Variants in RALYL observed in about 807,000 individuals in gnomAD.
RALYL encodes the protein RALY RNA binding protein like, also known as RNA-binding Raly-like protein.
Under a neutral mutation model 35.1 loss-of-function variants are expected in RALYL, and 29 were observed. The ratio of observed to expected loss-of-function variants is 0.83; its 90% CI spans 0.61 to 1.13. The LOEUF is 1.13. Among genes scored for constraint, RALYL ranks in the 50% most tolerant of loss-of-function variants. The pLI is 0.00. For synonymous variants in RALYL, 120 were observed against 127.6 expected (o/e 0.94, Z 0.40); for missense variants, 359 against 360.4 (o/e 1.00, Z 0.03).
At chr8:84,810,284 T>G (rs1825624890) in intron 4 of RALYL, among the ~76,000 whole-genome samples, 1 of 152,164 alleles carries the variant, frequency 6.6e-6, no homozygotes, top group Admixed American at 6.5e-5. Context: ...TCAATGTATT[T>G]GCAAGGTTTT....
At chr8:84,341,962 A>T (rs1848867361) in intron 1 of RALYL, among the ~76,000 whole-genome samples, 1 of 151,892 alleles carries the variant, frequency 6.6e-6, no homozygotes, top group Non-Finnish European at 1.5e-5. Flanking sequence ...TGCACATGAT[A>T]ACCTAGTGTA....
In RALYL at chr8:84,713,696, A is replaced by G. The variant is rs527465710; in HGVS notation, c.257-60883A>G. 2.6e-5 allele frequency among the ~76,000 whole-genome samples: 4 copies of G among 152,032 alleles called. No homozygotes were observed. In the East Asian group the frequency reaches 7.7e-4, roughly 29 times the overall value. ...TGAAGTTTCCTCATAAAATAAAAAT[A>G]GAACTACCAAATGATCCAGCAATTT... On this transcript the variant is annotated intron_variant, in intron 2 of 8. Transcript: ENST00000521268.
At chr8:84,442,623 T>G (rs1438317887) in intron 1 of RALYL, among the ~76,000 whole-genome samples, 1 of 152,078 alleles carries the variant, frequency 6.6e-6, no homozygotes, top group East Asian at 1.9e-4. Flanking sequence ...TGTGCTGCAT[T>G]GAAGGGTGGG....
chr8:84,909,548 A>T (rs1847152334), intron 8 of RALYL, among the ~76,000 whole-genome samples: 7 of 152,162 alleles, frequency 4.6e-5, no homozygotes, highest in Admixed American at 3.3e-4. Context: ...CTTAGGCATG[A>T]TCTAAATTGC....
chr8:84,891,680 A>T (rs1373355733), intron 8 of RALYL, among the ~76,000 whole-genome samples: 3 of 152,162 alleles, frequency 2.0e-5, no homozygotes, highest in African/African-American at 7.2e-5. Flanking sequence ...TAAATGAGGA[A>T]GGGTTTAACA....
chr8:84,617,196 T>C lies in RALYL; in HGVS notation c.256+87619T>C, dbSNP rs901566538. On this transcript the variant is annotated intron_variant, in intron 2 of 8. Coordinates refer to ENST00000521268, the MANE Select transcript of RALYL (RefSeq NM_173848.7). ...ATTACCTTGGGCAGTATGGCCATTT[T>C]CACGATATTGATTGTTCCTACCCAT... Among the ~76,000 whole-genome samples, 565 of 151,452 alleles carry C rather than the reference T, an allele frequency of 3.7e-3. 16 individuals carry two copies. Among genetic ancestry groups the C allele is most frequent in the African/African-American group, 0.013 (543 of 40,922 alleles).
At chr8:84,671,779 T>G (rs1833299952) in intron 2 of RALYL, among the ~76,000 whole-genome samples, 1 of 152,198 alleles carries the variant, frequency 6.6e-6, no homozygotes, top group Non-Finnish European at 1.5e-5. Flanking sequence ...TCTAGGCCTC[T>G]GGGCCTGTGA....
chr8:84,408,160 C>G (rs112101679), intron 1 of RALYL, among the ~76,000 whole-genome samples: 4,493 of 151,772 alleles, frequency 0.03, 219 homozygotes, highest in African/African-American at 0.1. Context: ...AAATGTCATC[C>G]ACATGGGATT....
intron 1 of RALYL, among the ~76,000 whole-genome samples, chr8:84,408,492 T>C (rs560087333): frequency 1.6e-4 from 25 of 152,200 alleles, no homozygotes; most frequent in Non-Finnish European, 3.4e-4. Context: ...CCAGCTGCTG[T>C]ACTAATAGAC....
At chr8:84,407,939 C>A (rs2132114131) in intron 1 of RALYL, among the ~76,000 whole-genome samples, 1 of 152,096 alleles carries the variant, frequency 6.6e-6, no homozygotes, top group East Asian at 1.9e-4. Flanking sequence ...TTGTCCAAGG[C>A]AAGTGGCAAG....
intron 2 of RALYL, among the ~76,000 whole-genome samples, chr8:84,685,988 G>T (rs534247173): frequency 5.9e-5 from 9 of 152,282 alleles, no homozygotes; most frequent in African/African-American, 2.2e-4. Flanking sequence ...GAGAGAGCTG[G>T]TGCATGTTTG....
chr8:84,221,420 CGA>C (rs1822180271), intron 1 of RALYL, among the ~76,000 whole-genome samples: 1 of 151,930 alleles, frequency 6.6e-6, no homozygotes, highest in Non-Finnish European at 1.5e-5. Context: ...CACTTTGATA[CGA>C]AGTCAGCATA....
rs141092172 is a variant in RALYL at position 84,524,748 on chromosome 8, A to G, written c.-23-4551A>G. 2.8e-3 allele frequency among the ~76,000 whole-genome samples: 423 copies of G among 152,260 alleles called. 1 individual carries two copies. The highest frequency in any genetic ancestry group is 9.8e-3 in the African/African-American group (407 of 41,554). The stretch of plus-strand genomic sequence containing the variant: ...TTATTTATTCTGATCACATTTCTTT[A>G]TAATTTTACAGAGCATTTACCACCT... On this transcript the variant is annotated intron_variant, in intron 1 of 8. Coordinates refer to ENST00000521268, the MANE Select transcript of RALYL (RefSeq NM_173848.7).
chr8:84,704,979 T>C lies in RALYL; in HGVS notation c.257-69600T>C, dbSNP rs141635834. 4.0e-3 allele frequency among the ~76,000 whole-genome samples: 603 copies of C among 152,272 alleles called. 6 individuals carry two copies. Among genetic ancestry groups the C allele is most frequent in the African/African-American group, 0.013 (553 of 41,558 alleles). On this transcript the variant is annotated intron_variant, in intron 2 of 8. Transcript: ENST00000521268. ...TGGCAAAAAGGTGAAACTTAATACATAACAAGGAAGTCTTATGACATAGAA... is the reference window on the plus strand; with the variant it reads ...TGGCAAAAAGGTGAAACTTAATACACAACAAGGAAGTCTTATGACATAGAA...
intron 2 of RALYL, among the ~76,000 whole-genome samples, chr8:84,696,460 G>T (rs557236059): frequency 2.0e-5 from 3 of 151,946 alleles, no homozygotes; most frequent in East Asian, 3.9e-4. Context: ...GGTCTTAGAA[G>T]CTGGGAGCCA....
intron 1 of RALYL, among the ~76,000 whole-genome samples, chr8:84,461,329 C>T (rs930231524): frequency 1.3e-4 from 19 of 151,552 alleles, no homozygotes; most frequent in African/African-American, 4.6e-4. Flanking sequence ...AAAATGCATT[C>T]ACTCATCTAA....
chr8:84,734,551 A>G (rs925455988), intron 2 of RALYL, among the ~76,000 whole-genome samples: 12 of 152,124 alleles, frequency 7.9e-5, no homozygotes, highest in African/African-American at 2.9e-4. Context: ...GTATAGAGAA[A>G]CAGAATTTTA....
At chr8:84,579,129 C>T (rs530382501) in intron 2 of RALYL, among the ~76,000 whole-genome samples, 1 of 152,176 alleles carries the variant, frequency 6.6e-6, no homozygotes, top group Non-Finnish European at 1.5e-5. Context: ...CCTCAGCCCC[C>T]CTAGGCCTCC....
chr8:84,220,404 C>T (rs986334676), intron 1 of RALYL, among the ~76,000 whole-genome samples: 12 of 151,882 alleles, frequency 7.9e-5, no homozygotes, highest in Admixed American at 5.3e-4. Context: ...ATATTTTTGT[C>T]TCTGGTAAAC....
Sources: gnomAD v4.1 joint callset for allele counts (sites outside exome capture counted in the v4.1 genomes callset) on GRCh38, gnomAD v4.1.1 for gene constraint, MANE v1.5 for transcripts, NCBI Gene and HGNC (gene_info 2026-07-23, HGNC 2026-07-21) for gene names.